AGBL1: variants seen among roughly 807,000 people sequenced by gnomAD.
The protein encoded by AGBL1 is AGBL carboxypeptidase 1, also known as cytosolic carboxypeptidase 4.
Under a neutral mutation model 118.9 loss-of-function variants are expected in AGBL1, and 130 were observed. The observed-to-expected ratio is 1.09, with a 90% confidence interval of 0.95 to 1.26. The LOEUF (loss-of-function observed/expected upper bound fraction) is 1.26. Among genes scored for constraint, AGBL1 ranks in the 50% most tolerant of loss-of-function variants. The probability of loss-of-function intolerance (pLI) is 0.00; values close to 1 mark genes in which losing one functional copy is unlikely to be tolerated. For missense variants in AGBL1, 1,584 were observed against 1,298.1 expected, an observed-to-expected ratio of 1.22 and a Z score of -3.38; for synonymous variants, 555 against 478.9, an observed-to-expected ratio of 1.16 and a Z score of -2.08.
intron 1 of AGBL1, among the ~76,000 whole-genome samples, chr15:86,105,941 A>G (rs898835653): frequency 6.6e-6 from 1 of 152,246 alleles, no homozygotes; most frequent in Admixed American, 6.5e-5. Context: ...TAGTATTTCT[A>G]GAGTGACCTG....
At chr15:86,790,210 A>G (rs1006885611) in intron 22 of AGBL1, among the ~76,000 whole-genome samples, 5 of 152,088 alleles carry the variant, frequency 3.3e-5, no homozygotes, top group African/African-American at 1.2e-4. Context: ...GTTTCTCCAG[A>G]AAAAAGACAT....
chr15:86,208,976 G>C (rs996528738), intron 5 of AGBL1, among the ~76,000 whole-genome samples: 14 of 152,076 alleles, frequency 9.2e-5, no homozygotes, highest in African/African-American at 2.4e-4. Context: ...TCCCTCTACA[G>C]ACTGCTTTAA....
chr15:86,684,532 G>A (rs969859668), intron 22 of AGBL1, among the ~76,000 whole-genome samples: 1 of 151,312 alleles, frequency 6.6e-6, no homozygotes, highest in African/African-American at 2.4e-5. Context: ...TGTTGCCCAG[G>A]CTGGTCTCAA....
chr15:87,011,354 T>C (rs2081558144), intron 24 of AGBL1, among the ~76,000 whole-genome samples: 1 of 152,148 alleles, frequency 6.6e-6, no homozygotes, highest in Non-Finnish European at 1.5e-5. Context: ...TGTTGATCCA[T>C]TGAGAACATG....
rs1201756599 is a variant in AGBL1, at chr15:86,194,318, G to A, written c.489-30596G>A. 2.6e-5 allele frequency among the ~76,000 whole-genome samples: 4 copies of A among 152,288 alleles called. No homozygotes were observed. In the East Asian group the frequency reaches 5.8e-4, roughly 22 times the overall value. On this transcript the variant is annotated intron_variant, in intron 5 of 22. Transcript: ENST00000614907. ...ATCCTACTCATTTATCAAGATGTCT[G>A]GGTCTATGCTTAAGCATTTGCAAAG...
At chr15:86,308,133 A>G (rs1163464620) in intron 17 of AGBL1, among the ~76,000 whole-genome samples, 3 of 152,186 alleles carry the variant, frequency 2.0e-5, no homozygotes, top group African/African-American at 4.8e-5. Context: ...AGATTAAACT[A>G]TGTTAACATG....
intron 17 of AGBL1, among the ~76,000 whole-genome samples, chr15:86,301,840 G>C (rs1359466207): frequency 6.6e-6 from 1 of 152,142 alleles, no homozygotes; most frequent in South Asian, 2.1e-4. Flanking sequence ...AACTCCACGT[G>C]CCTGGTGGTC....
At chr15:86,111,942 G>A (rs1327102594) in intron 1 of AGBL1, among the ~76,000 whole-genome samples, 1 of 152,132 alleles carries the variant, frequency 6.6e-6, no homozygotes, top group Non-Finnish European at 1.5e-5. Flanking sequence ...AGGAGCACGA[G>A]CCCTGTCGTG....
intron 1 of AGBL1, chr15:86,116,707 C>T (rs1897781794): frequency 6.6e-6 from 1 of 152,274 alleles, no homozygotes; most frequent in Admixed American, 6.5e-5. Context: ...CTCAGGTCTT[C>T]ACACTCAACT....
At chr15:86,203,185 G>C (rs1165494920) in intron 5 of AGBL1, among the ~76,000 whole-genome samples, 1 of 152,120 alleles carries the variant, frequency 6.6e-6, no homozygotes, top group African/African-American at 2.4e-5. Context: ...CAAAAGTTGG[G>C]AGTTCACATC....
chr15:86,248,017 G>T, intron 7 of AGBL1, 138 bp downstream of exon 7: 1 of 1,198,868 alleles, frequency 8.3e-7, no homozygotes, highest in Non-Finnish European at 1.2e-6. Context: ...GGATGTTCTG[G>T]ATTTAAGGCT....
At chr15:86,867,036 T>C (rs2079641785) in intron 22 of AGBL1, among the ~76,000 whole-genome samples, 2 of 152,130 alleles carry the variant, frequency 1.3e-5, no homozygotes, top group African/African-American at 2.4e-5. Flanking sequence ...CTAGGAGACA[T>C]CTATCATATC....
intron 18 of AGBL1, among the ~76,000 whole-genome samples, chr15:86,518,468 C>A (rs912202824): frequency 1.3e-5 from 2 of 152,064 alleles, no homozygotes; most frequent in Non-Finnish European, 1.5e-5. Flanking sequence ...ACTAGTGCTG[C>A]TGATTGACTC....
intron 24 of AGBL1, among the ~76,000 whole-genome samples, chr15:86,988,874 A>G: frequency 6.6e-6 from 1 of 152,078 alleles, no homozygotes; most frequent in Non-Finnish European, 1.5e-5. Flanking sequence ...TTTCTGTCCC[A>G]TTTATGACAA....
chr15:86,891,201 A>G (rs979320982), intron 22 of AGBL1, among the ~76,000 whole-genome samples: 2 of 152,110 alleles, frequency 1.3e-5, no homozygotes, highest in East Asian at 3.9e-4. Flanking sequence ...TTGTTGGTGT[A>G]TAGGAATGCT....
chr15:86,522,771 C>T lies in AGBL1; in HGVS notation c.2556-39C>T, dbSNP rs761090333. 1.9e-6 allele frequency: 3 copies of T among 1,601,190 alleles called. No individual in the cohort carries two copies. In the South Asian group the frequency reaches 3.3e-5, roughly 18 times the overall value. On this transcript the variant is annotated intron_variant, in intron 18 of 22. Coordinates refer to ENST00000614907, the MANE Select transcript of AGBL1 (RefSeq NM_001386094.1). The stretch of plus-strand genomic sequence containing the variant: ...CTTTATTTTCTCAAGTTATTTTCTT[C>T]TGAATGTGTATTTATTTGCTTATTA...
chr15:86,998,559 C>T (rs2081401241), intron 24 of AGBL1, among the ~76,000 whole-genome samples: 1 of 152,154 alleles, frequency 6.6e-6, no homozygotes, highest in South Asian at 2.1e-4. Context: ...CATGCCTAGA[C>T]TTAGAGAAAT....
intron 22 of AGBL1, among the ~76,000 whole-genome samples, chr15:86,693,772 A>G (rs1176268526): frequency 1.3e-5 from 2 of 152,120 alleles, no homozygotes; most frequent in Non-Finnish European, 2.9e-5. Context: ...TGATTTTTGT[A>G]TAAGGTGAGA....
At chr15:86,509,679 C>A (rs201980775) in intron 18 of AGBL1, among the ~76,000 whole-genome samples, 1 of 151,796 alleles carries the variant, frequency 6.6e-6, no homozygotes, top group Non-Finnish European at 1.5e-5. Flanking sequence ...AATTTGGTTT[C>A]AAAAAATAAA....
Sources: gnomAD v4.1 joint callset for allele counts (sites outside exome capture counted in the v4.1 genomes callset) on GRCh38, gnomAD v4.1.1 for gene constraint, MANE v1.5 for transcripts, NCBI Gene and HGNC (gene_info 2026-07-23, HGNC 2026-07-21) for gene names.